PPIP5K2: variants seen among roughly 807,000 people sequenced by gnomAD.
PPIP5K2 encodes diphosphoinositol pentakisphosphate kinase 2, also known as inositol hexakisphosphate and diphosphoinositol-pentakisphosphate kinase 2.
Under a neutral mutation model 154.6 loss-of-function variants are expected in PPIP5K2, and 105 were observed. The ratio of observed to expected loss-of-function variants is 0.68; its 90% CI spans 0.58 to 0.80. The LOEUF is 0.80. PPIP5K2 is among the 30% of genes least tolerant of loss of function. PPIP5K2 has a pLI of 0.00. For synonymous variants in PPIP5K2, 480 were observed against 490.3 expected (o/e 0.98, Z 0.28); for missense variants, 992 against 1,504.6 (o/e 0.66, Z 5.64).
chr5:103,176,752 C>T, intron 21 of PPIP5K2: 1 of 566,860 alleles, frequency 1.8e-6, no homozygotes. Flanking sequence ...TGACTATAGA[C>T]TTTACTTTGA....
At chr5:103,141,535 G>A (rs1241704618) in intron 5 of PPIP5K2, among the ~76,000 whole-genome samples, 2 of 152,144 alleles carry the variant, frequency 1.3e-5, no homozygotes, top group African/African-American at 4.8e-5. Context: ...GATTGGTAGA[G>A]CCGAGTGGCC....
At position 103,203,897 on chromosome 5, in the gene PPIP5K2, A is replaced by G. The variant is rs1803330754; in HGVS notation, c.*2263A>G. ...CGTGGTACAGCAATTTTGGGTGAAG[A>G]AAAGTGTGCTGAACACCTTATGTCA... On this transcript the variant is annotated 3_prime_UTR_variant, in exon 31 of 31. Coordinates refer to ENST00000358359, the MANE Select transcript of PPIP5K2 (RefSeq NM_001276277.3). 1 of 152,234 alleles carries G rather than the reference A, an allele frequency of 6.6e-6. No individual in the cohort carries two copies. The allele number at this position is 152,234 out of a possible 1,614,324, so 9.4% of individuals were successfully genotyped here. A position where few individuals can be genotyped will look rare whatever the true frequency, so the allele number is the denominator to read the frequency against.
At chr5:103,167,817 C>CT (rs1797364579) in intron 18 of PPIP5K2, among the ~76,000 whole-genome samples, 1 of 151,710 alleles carries the variant, frequency 6.6e-6, no homozygotes, top group African/African-American at 2.4e-5. Context: ...CTTAAAAGAG[C>CT]TTTGTTAAAA....
intron 14 of PPIP5K2, 61 bp downstream of exon 14, chr5:103,156,055 G>C: frequency 8.8e-6 from 10 of 1,140,756 alleles, no homozygotes; most frequent in Non-Finnish European, 1.2e-5. Context: ...ATTCACTGTT[G>C]ATTACCTTTG....
rs1795122577 is a variant in PPIP5K2 at position 103,154,652 on chromosome 5, T to C, written c.1218-18T>C. The C allele has an allele frequency of 7.1e-7, 1 of 1,399,750 alleles. No individual in the cohort carries two copies. The highest frequency in any genetic ancestry group is 9.9e-7 in the Non-Finnish European group (1 of 1,010,380). 86.7% of individuals were successfully genotyped at this position (1,399,750 alleles called of 1,614,324 possible). A position where few individuals can be genotyped will look rare whatever the true frequency, so the allele number is the denominator to read the frequency against. Reference sequence around the variant, plus strand: ...TAATTATTGCAAGTGACTAACAGTGTTCTGTCTTTTTTATAAGATTTTTTG... The same window carrying C: ...TAATTATTGCAAGTGACTAACAGTGCTCTGTCTTTTTTATAAGATTTTTTG... On this transcript the variant is annotated intron_variant, in intron 11 of 30. Coordinates refer to ENST00000358359, the MANE Select transcript of PPIP5K2 (RefSeq NM_001276277.3).
chr5:103,138,000 T>G (rs1554205027), intron 4 of PPIP5K2, among the ~76,000 whole-genome samples: 1 of 152,196 alleles, frequency 6.6e-6, no homozygotes, highest in African/African-American at 2.4e-5. Context: ...TTTTCTCTAG[T>G]ATGCTGTGAA....
At position 103,167,202 on chromosome 5, in the gene PPIP5K2, T is replaced by C; in HGVS notation, c.1944T>C (p.Ser648=). 6.3e-7 allele frequency: 1 copy of C among 1,578,728 alleles called. No individual in the cohort carries two copies. Among genetic ancestry groups the C allele is most frequent in the Non-Finnish European group, 8.6e-7 (1 of 1,161,724 alleles). ...YEKLTPSGSI[S]LIKSMHLIKN... ...AGCTTACTCCATCTGGAAGCATTTC[T>C]CTTATCAAATCAATGCATTTAATTA... The change falls in exon 18 of 31, where the codon TCT becomes TCC. Residue 648 remains serine, a synonymous_variant. Transcript: ENST00000358359.
intron 2 of PPIP5K2, among the ~76,000 whole-genome samples, chr5:103,131,117 T>C (rs2149461168): frequency 6.6e-6 from 1 of 152,306 alleles, no homozygotes; most frequent in East Asian, 1.9e-4. Context: ...TTCTCTTTGC[T>C]CTTTTTCCCA....
chr5:103,126,785 C>T (rs1041547796), intron 1 of PPIP5K2, among the ~76,000 whole-genome samples: 9 of 148,184 alleles, frequency 6.1e-5, no homozygotes, highest in African/African-American at 9.9e-5. Flanking sequence ...ATTCTAGCTG[C>T]ACTGGCAGCT....
chr5:103,207,311 C>G lies in PPIP5K2; in HGVS notation c.*5677C>G, dbSNP rs1469556282. 8 of 152,252 alleles carry G rather than the reference C, an allele frequency of 5.3e-5. No homozygotes were observed. In the East Asian group the frequency reaches 1.2e-3, roughly 22 times the overall value. The allele number at this position is 152,252 out of a possible 1,614,324, so 9.4% of individuals were successfully genotyped here. ...CAAACTGTGGCAGTCAAAAATGTCT[C>G]CAGACATTAGTAAATGTCTTTTGTG... On this transcript the variant is annotated 3_prime_UTR_variant, in exon 31 of 31. Transcript: ENST00000358359.
At chr5:103,165,248 A>G (rs1554217407) in intron 17 of PPIP5K2, among the ~76,000 whole-genome samples, 1 of 151,948 alleles carries the variant, frequency 6.6e-6, no homozygotes, top group African/African-American at 2.4e-5. Flanking sequence ...CCTTGATCTC[A>G]TTACTATACA....
chr5:103,165,098 C>G (rs1554217347), intron 17 of PPIP5K2, among the ~76,000 whole-genome samples: 1 of 152,038 alleles, frequency 6.6e-6, no homozygotes, highest in African/African-American at 2.4e-5. Flanking sequence ...GTGGTCAGAA[C>G]CATATTTACA....
intron 13 of PPIP5K2, among the ~76,000 whole-genome samples, chr5:103,155,515 C>A (rs1272291101): frequency 1.4e-5 from 2 of 145,928 alleles, no homozygotes; most frequent in Admixed American, 6.9e-5. Flanking sequence ...AACCTCTCCC[C>A]CTCCCAAGTT....
intron 28 of PPIP5K2, among the ~76,000 whole-genome samples, chr5:103,189,977 A>G (rs1800970782): frequency 6.6e-6 from 1 of 152,072 alleles, no homozygotes; most frequent in African/African-American, 2.4e-5. Flanking sequence ...AAGACTCGTT[A>G]TTTTTAACAG....
chr5:103,181,884 C>T (rs1580392829), intron 24 of PPIP5K2, among the ~76,000 whole-genome samples: 1 of 151,932 alleles, frequency 6.6e-6, no homozygotes, highest in East Asian at 1.9e-4. Flanking sequence ...TAAAGTAGAT[C>T]CTTATAACTT....
At chr5:103,167,099 G>A (rs782432975) in intron 17 of PPIP5K2, 80 bp from the exon 18 acceptor site, 162 of 1,130,534 alleles carry the variant, frequency 1.4e-4, no homozygotes, top group Non-Finnish European at 1.8e-4. Flanking sequence ...CCAGCTACTG[G>A]AAAATTTTGT....
At chr5:103,149,116 A>G (rs782253675) in intron 7 of PPIP5K2, 36 bp from the exon 8 acceptor site, 5 of 1,495,418 alleles carry the variant, frequency 3.3e-6, no homozygotes, top group East Asian at 2.5e-5. Context: ...ACACATACAT[A>G]TATATATTTA....
intron 19 of PPIP5K2, among the ~76,000 whole-genome samples, chr5:103,168,777 C>T (rs1196666401): frequency 1.3e-5 from 2 of 151,694 alleles, no homozygotes; most frequent in Admixed American, 1.3e-4. Flanking sequence ...TAGTAGCATA[C>T]AGAGTATTTC....
intron 20 of PPIP5K2, 130 bp downstream of exon 20, chr5:103,173,412 A>G: frequency 1.8e-6 from 2 of 1,109,344 alleles, no homozygotes; most frequent in East Asian, 2.7e-5. Flanking sequence ...AGTATTACCT[A>G]GGTATTTCTA....
Sources: gnomAD v4.1 joint callset for allele counts (sites outside exome capture counted in the v4.1 genomes callset) on GRCh38, gnomAD v4.1.1 for gene constraint, MANE v1.5 for transcripts, NCBI Gene and HGNC (gene_info 2026-07-23, HGNC 2026-07-21) for gene names.